The following FAM169A variants were observed in gnomAD, a reference collection of about 807,000 sequenced individuals.
FAM169A encodes the protein soluble lamin-associated protein of 75 kDa.
Under a neutral mutation model 75.7 loss-of-function variants are expected in FAM169A, and 24 were observed. That is an observed-to-expected ratio of 0.32 (90% CI 0.23 to 0.45). The LOEUF is 0.45. Ranked by LOEUF, FAM169A falls within the 20% of genes least tolerant of loss-of-function variation. The pLI is 1.00. For synonymous variants in FAM169A, 271 were observed against 271.0 expected (o/e 1.00, Z 0.00); for missense variants, 673 against 784.0 (o/e 0.86, Z 1.69).
intron 5 of FAM169A, among the ~76,000 whole-genome samples, chr5:74,831,103 T>C (rs966518365): frequency 4.6e-5 from 7 of 152,094 alleles, no homozygotes; most frequent in African/African-American, 1.7e-4. Context: ...CCACAGACAG[T>C]CCCCACTTCT....
At chr5:74,809,440 C>A (rs1173896416) in intron 6 of FAM169A, among the ~76,000 whole-genome samples, 1 of 151,404 alleles carries the variant, frequency 6.6e-6, no homozygotes, top group Non-Finnish European at 1.5e-5. Flanking sequence ...TAAAAAAATA[C>A]AAAAAATTAG....
intron 11 of FAM169A, among the ~76,000 whole-genome samples, chr5:74,789,818 C>T (rs1457520316): frequency 2.0e-5 from 3 of 152,222 alleles, no homozygotes; most frequent in Admixed American, 2.0e-4. Context: ...GTGGAGGCCT[C>T]TAAGATTTTG....
At chr5:74,830,205 T>C (rs1162647185) in intron 5 of FAM169A, among the ~76,000 whole-genome samples, 1 of 152,120 alleles carries the variant, frequency 6.6e-6, no homozygotes, top group African/African-American at 2.4e-5. Context: ...GAGAAGCCCT[T>C]GATGATGGGG....
chr5:74,860,140 A>C (rs1261972986), intron 1 of FAM169A, among the ~76,000 whole-genome samples: 1 of 152,220 alleles, frequency 6.6e-6, no homozygotes, highest in Non-Finnish European at 1.5e-5. Context: ...GGCAGCTAGA[A>C]ACAGCAAAGT....
intron 1 of FAM169A, among the ~76,000 whole-genome samples, chr5:74,850,627 G>A (rs1440679151): frequency 6.6e-6 from 1 of 152,116 alleles, no homozygotes; most frequent in African/African-American, 2.4e-5. Context: ...TGAACATACA[G>A]AACACATAGA....
chr5:74,866,330 C>G lies in FAM169A; in HGVS notation c.-169G>C. The G allele has an allele frequency of 1.0e-6, 1 of 984,428 alleles. No homozygotes were observed. Among genetic ancestry groups the G allele is most frequent in the South Asian group, 4.7e-5 (1 of 21,284 alleles). 61.0% of individuals were successfully genotyped at this position (984,428 alleles called of 1,614,324 possible). ...CTGCCTCCCGCTCGCCCCGGACGCC[C>G]GGCTCCTCGTCGCGGGTCGGCCGCG... On this transcript the variant is annotated 5_prime_UTR_variant, in exon 1 of 13. Transcript: ENST00000687041.
chr5:74,813,951 T>G lies in FAM169A; in HGVS notation c.559A>C (p.Lys187Gln). Reference protein sequence around the residue: ...LPVLDTMFLRKKYRGKDFGLH... With the variant: ...LPVLDTMFLRQKYRGKDFGLH... The stretch of plus-strand genomic sequence containing the variant: ...CCAAAATCTTTACCTCTGTATTTCT[T>G]TCTTAGAAACATTGTATCAAGAACT... Residue 187 changes from lysine (K) to glutamine (Q), a missense_variant, in exon 6 of 13, where the codon AAG becomes CAG. Coordinates refer to ENST00000687041, the MANE Select transcript of FAM169A (RefSeq NM_001376049.1). The G allele has an allele frequency of 1.2e-6, 2 of 1,608,480 alleles. No homozygotes were observed. The highest frequency in any genetic ancestry group is 1.7e-6 in the Non-Finnish European group (2 of 1,178,684).
chr5:74,833,331 T>C (rs1201745046), intron 5 of FAM169A, among the ~76,000 whole-genome samples: 1 of 152,168 alleles, frequency 6.6e-6, no homozygotes, highest in African/African-American at 2.4e-5. Context: ...AAATTTCCAT[T>C]GAAAACTCTT....
Position 74,804,514 on chromosome 5 carries a change from CTGAT to C in FAM169A, c.887_890del (p.Asn296SerfsTer7). 1 of 1,604,286 alleles carries C rather than the reference CTGAT, an allele frequency of 6.2e-7. No individual in the cohort carries two copies. The highest frequency in any genetic ancestry group is 8.5e-7 in the Non-Finnish European group (1 of 1,172,064). Reference sequence around the variant, plus strand: ...CTACAGTTAGCTGCATCTCACTAGACTGATTGTCTTCAGTTCTTGCTTCGTATTC... The same window carrying C: ...CTACAGTTAGCTGCATCTCACTAGACTGTCTTCAGTTCTTGCTTCGTATTC... On this transcript the variant is annotated frameshift_variant, in exon 8 of 13. Transcript: ENST00000687041. LOFTEE classifies it high-confidence loss of function.
At chr5:74,804,094 C>G (rs1183305725) in intron 8 of FAM169A, among the ~76,000 whole-genome samples, 1 of 151,808 alleles carries the variant, frequency 6.6e-6, no homozygotes, top group African/African-American at 2.4e-5. Context: ...TAATGGAGAA[C>G]AGCAGTTAGA....
intron 1 of FAM169A, among the ~76,000 whole-genome samples, chr5:74,842,279 G>C (rs1748910661): frequency 6.6e-6 from 1 of 151,638 alleles, no homozygotes; most frequent in South Asian, 2.1e-4. Flanking sequence ...AAATTAGCCA[G>C]GCATGGTGGC....
intron 5 of FAM169A, among the ~76,000 whole-genome samples, chr5:74,819,221 GA>G (rs768974417): frequency 0.017 from 1,372 of 80,726 alleles, 6 homozygotes; most frequent in Middle Eastern, 0.038. Context: ...TCGTCTCAAA[GA>G]AAAAAAAAAA....
chr5:74,841,761 A>G (rs1337981040), intron 1 of FAM169A, 82 bp from the exon 2 acceptor site: 4 of 1,188,798 alleles, frequency 3.4e-6, no homozygotes, highest in East Asian at 5.3e-5. Flanking sequence ...TTTTACTACA[A>G]TGTTGCCATA....
intron 1 of FAM169A, among the ~76,000 whole-genome samples, chr5:74,860,827 TAA>T (rs11293001): frequency 2.2e-3 from 157 of 71,646 alleles, no homozygotes; most frequent in African/African-American, 6.3e-3. Context: ...AATGTAGCAC[TAA>T]AAAAAAAAAA....
intron 8 of FAM169A, among the ~76,000 whole-genome samples, chr5:74,803,344 A>T (rs903583001): frequency 2.0e-5 from 3 of 152,128 alleles, no homozygotes; most frequent in Admixed American, 6.6e-5. Context: ...CTTATTCTCA[A>T]GTCTGAATTT....
At chr5:74,784,667 C>G (rs1428806464) in intron 11 of FAM169A, among the ~76,000 whole-genome samples, 1 of 148,406 alleles carries the variant, frequency 6.7e-6, no homozygotes, top group East Asian at 2.0e-4. Flanking sequence ...ACCTGTAATC[C>G]CAGCACTTTG....
chr5:74,827,876 G>C (rs1748119123), intron 5 of FAM169A, among the ~76,000 whole-genome samples: 1 of 151,746 alleles, frequency 6.6e-6, no homozygotes, highest in African/African-American at 2.4e-5. Context: ...ATGTCGTCTA[G>C]GCTCATCTTG....
intron 10 of FAM169A, chr5:74,799,184 A>G (rs1746435844): frequency 1.7e-6 from 2 of 1,182,368 alleles, no homozygotes; most frequent in South Asian, 1.2e-5. Flanking sequence ...GCTCCCAAGC[A>G]TGACCACATC....
intron 11 of FAM169A, among the ~76,000 whole-genome samples, chr5:74,790,917 G>A (rs1226090731): frequency 6.6e-6 from 1 of 152,150 alleles, no homozygotes; most frequent in African/African-American, 2.4e-5. Flanking sequence ...TGTCCTCACT[G>A]GAATAGACAC....
Sources: allele counts gnomAD v4.1 joint callset (sites outside exome capture counted in the v4.1 genomes callset), GRCh38; gene constraint gnomAD v4.1.1; transcripts MANE v1.5; gene names NCBI Gene and HGNC (gene_info 2026-07-23, HGNC 2026-07-21).